Variants in GOLIM4 observed in about 807,000 individuals in gnomAD.
GOLIM4 encodes the protein 130 kDa golgi-localized phosphoprotein.
GOLIM4 carries 71 observed loss-of-function variants against 107.4 expected under a neutral mutation model. The ratio of observed to expected loss-of-function variants is 0.66; its 90% CI spans 0.55 to 0.81. GOLIM4 has a LOEUF of 0.81. Ranked by LOEUF, GOLIM4 falls within the 30% of genes least tolerant of loss-of-function variation. The pLI is 0.00. For missense variants in GOLIM4, 830 were observed against 826.1 expected (o/e 1.00, Z -0.06); for synonymous variants, 327 against 294.8 (o/e 1.11, Z -1.12).
intron 1 of GOLIM4, among the ~76,000 whole-genome samples, chr3:168,067,754 C>T (rs1246748966): frequency 6.6e-6 from 1 of 152,020 alleles, no homozygotes; most frequent in Non-Finnish European, 1.5e-5. Context: ...CAGAAGCCAG[C>T]AAATCATCCC....
chr3:168,022,006 C>A (rs1717719855), intron 14 of GOLIM4, among the ~76,000 whole-genome samples: 1 of 152,178 alleles, frequency 6.6e-6, no homozygotes, highest in South Asian at 2.1e-4. Flanking sequence ...ATCATGCCTT[C>A]CATTCAAACA....
chr3:168,018,964 T>C (rs961422041), intron 14 of GOLIM4, among the ~76,000 whole-genome samples: 3 of 149,180 alleles, frequency 2.0e-5, no homozygotes, highest in African/African-American at 7.7e-5. Context: ...ACAATACAAC[T>C]TGACCACTCT....
At position 168,015,297 on chromosome 3, in the gene GOLIM4, C is replaced by G. The variant is rs1261061114; in HGVS notation, c.1861-4474G>C. On this transcript the variant is annotated intron_variant, in intron 14 of 15. Transcript: ENST00000470487. ...AGTGAACTCCCATTCACAATTGCTT[C>G]AAAGAGAATAAAATACCCAGGAATC... Among the ~76,000 whole-genome samples, 3 of 146,696 alleles carry G rather than the reference C, an allele frequency of 2.0e-5. 1 individual carries two copies. The highest frequency in any genetic ancestry group is 5.4e-5 in the African/African-American group (2 of 37,140).
intron 14 of GOLIM4, among the ~76,000 whole-genome samples, chr3:168,012,469 G>T (rs1717103869): frequency 6.8e-6 from 1 of 146,942 alleles, no homozygotes; most frequent in African/African-American, 2.7e-5. Context: ...CACTCTGCAG[G>T]ATATTATCCA....
chr3:168,019,184 T>G (rs1217281516), intron 14 of GOLIM4, among the ~76,000 whole-genome samples: 1 of 152,162 alleles, frequency 6.6e-6, no homozygotes, highest in Admixed American at 6.5e-5. Context: ...AGGTCAATTG[T>G]TTTTGTTATG....
intron 5 of GOLIM4, among the ~76,000 whole-genome samples, chr3:168,042,120 A>C (rs1333292641): frequency 2.0e-5 from 3 of 152,224 alleles, no homozygotes; most frequent in Non-Finnish European, 4.4e-5. Context: ...CAAAACCAGG[A>C]AACTGTTGGG....
chr3:168,013,637 G>A (rs1224723408), intron 14 of GOLIM4, among the ~76,000 whole-genome samples: 1 of 149,346 alleles, frequency 6.7e-6, no homozygotes, highest in Non-Finnish European at 1.5e-5. Flanking sequence ...CACATACTGG[G>A]AAGTAAAGCT....
chr3:168,023,594 A>G (rs140069342), intron 14 of GOLIM4, among the ~76,000 whole-genome samples: 2 of 152,226 alleles, frequency 1.3e-5, no homozygotes, highest in African/African-American at 2.4e-5. Context: ...TCAGTCTGCC[A>G]TATGTCCATC....
chr3:168,068,818 ATTTAT>A lies in GOLIM4; in HGVS notation c.188-20458_188-20454del, dbSNP rs1232755087. Among the ~76,000 whole-genome samples the A allele has an allele frequency of 1.5e-4, 21 of 138,480 alleles. No individual in the cohort carries two copies. The East Asian group carries it at 1.7e-3, about 12-fold the overall frequency. The allele number at this position is 138,480 out of a possible 152,430, so 90.8% of individuals were successfully genotyped here. On this transcript the variant is annotated intron_variant, in intron 1 of 15. Transcript: ENST00000470487. ...CCTCTTAAAACTTTTCTGCACTTTA[ATTTAT>A]TTTATTTTATTTTATTTTTTTTTTT...
At chr3:168,064,311 T>C in intron 1 of GOLIM4, among the ~76,000 whole-genome samples, 1 of 152,234 alleles carries the variant, frequency 6.6e-6, no homozygotes, top group East Asian at 1.9e-4. Flanking sequence ...TCGAGTCTGG[T>C]ACAATGTGGT....
intron 7 of GOLIM4, 63 bp downstream of exon 7, chr3:168,040,723 A>G: frequency 9.6e-7 from 1 of 1,042,460 alleles, no homozygotes; most frequent in Non-Finnish European, 1.5e-6. Flanking sequence ...TACATGCATA[A>G]AGGAATTGAG....
chr3:168,045,934 T>C (rs1389787785), intron 3 of GOLIM4, among the ~76,000 whole-genome samples: 1 of 152,120 alleles, frequency 6.6e-6, no homozygotes, highest in Non-Finnish European at 1.5e-5. Context: ...CAGGCTGGAG[T>C]AGAGTGGTGG....
intron 5 of GOLIM4, among the ~76,000 whole-genome samples, chr3:168,042,323 T>C (rs149233189): frequency 2.6e-5 from 4 of 152,184 alleles, no homozygotes; most frequent in African/African-American, 9.6e-5. Flanking sequence ...GCCCCAGCAA[T>C]GCATTTAATT....
chr3:168,019,930 T>A (rs1717590466), intron 14 of GOLIM4, among the ~76,000 whole-genome samples: 1 of 147,640 alleles, frequency 6.8e-6, no homozygotes, highest in Admixed American at 6.7e-5. Flanking sequence ...GTTGCTTAGA[T>A]CAATTGCTTC....
chr3:168,032,548 T>A lies in GOLIM4; in HGVS notation c.1148A>T (p.Asn383Ile), dbSNP rs142300082. The A allele has an allele frequency of 3.7e-6, 6 of 1,613,982 alleles. No individual in the cohort carries two copies. In the African/African-American group the frequency reaches 6.7e-5, roughly 18 times the overall value. ...KEQHEQREAA[N>I]LLEGHARAEV... ...AGCACGCGCGTGCCCTTCCAGGAGG[T>A]TGGCTGCTTCTCGTTGCTCATGCTG... is the stretch of plus-strand genomic sequence containing the variant. Residue 383 changes from asparagine (N) to isoleucine (I), a missense_variant, in exon 9 of 16, where the codon AAC becomes ATC. Coordinates refer to ENST00000470487, the MANE Select transcript of GOLIM4 (RefSeq NM_014498.5).
At chr3:168,062,086 C>A (rs1025496302) in intron 1 of GOLIM4, among the ~76,000 whole-genome samples, 1 of 152,146 alleles carries the variant, frequency 6.6e-6, no homozygotes, top group Admixed American at 6.5e-5. Context: ...GTGAAATATG[C>A]AAGAAATTTA....
rs538193689 is a variant in GOLIM4, at chr3:168,069,410, A to C, written c.188-21045T>G. 2.6e-5 allele frequency among the ~76,000 whole-genome samples: 4 copies of C among 152,362 alleles called. No homozygotes were observed. In the Middle Eastern group the frequency reaches 0.014, roughly 518 times the overall value. On this transcript the variant is annotated intron_variant, in intron 1 of 15. Coordinates refer to ENST00000470487, the MANE Select transcript of GOLIM4 (RefSeq NM_014498.5). ...TTTCCAATGATGAACATTTTTACCA[A>C]TGAAGTCAAGCAATTAATACAGTTT...
chr3:168,033,556 G>A (rs1326953910), intron 8 of GOLIM4, among the ~76,000 whole-genome samples: 4 of 125,046 alleles, frequency 3.2e-5, no homozygotes, highest in Admixed American at 1.0e-4. Flanking sequence ...GCAGTGAGCC[G>A]AGATTGCGCC....
At chr3:168,010,476 ATTCT>A in intron 15 of GOLIM4, 58 bp from the exon 16 acceptor site, 1 of 1,179,480 alleles carries the variant, frequency 8.5e-7, no homozygotes, top group Non-Finnish European at 1.2e-6. Flanking sequence ...GTGATAAATA[ATTCT>A]CTCTAAAAAC....
Sources: allele counts gnomAD v4.1 joint callset (sites outside exome capture counted in the v4.1 genomes callset), GRCh38; gene constraint gnomAD v4.1.1; transcripts MANE v1.5; gene names NCBI Gene and HGNC (gene_info 2026-07-23, HGNC 2026-07-21).